LRRTM4: variants seen among roughly 807,000 people sequenced by gnomAD.
The protein encoded by LRRTM4 is leucine rich repeat transmembrane neuronal 4.
Under a neutral mutation model 47.6 loss-of-function variants are expected in LRRTM4, and 25 were observed. That is an observed-to-expected ratio of 0.53 (90% CI 0.38 to 0.73). The LOEUF is 0.73. Ranked by LOEUF, LRRTM4 falls within the 30% of genes least tolerant of loss-of-function variation. The probability of loss-of-function intolerance (pLI) is 0.00; values close to 1 mark genes in which losing one functional copy is unlikely to be tolerated. For synonymous variants in LRRTM4, 311 were observed against 269.5 expected (o/e 1.15, Z -1.51); for missense variants, 638 against 713.4 (o/e 0.89, Z 1.20).
chr2:77,360,993 C>T (rs1333779378), intron 3 of LRRTM4, among the ~76,000 whole-genome samples: 1 of 151,974 alleles, frequency 6.6e-6, no homozygotes, highest in Non-Finnish European at 1.5e-5. Flanking sequence ...ACCACTGTGC[C>T]TCTCTGTTTC....
At chr2:77,016,880 T>G (rs896598617) in intron 3 of LRRTM4, among the ~76,000 whole-genome samples, 2 of 152,034 alleles carry the variant, frequency 1.3e-5, no homozygotes, top group African/African-American at 4.8e-5. Flanking sequence ...TTATTGACTT[T>G]TTTTTTTTTA....
At chr2:76,780,893 A>G (rs1484514500) in intron 3 of LRRTM4, among the ~76,000 whole-genome samples, 1 of 150,194 alleles carries the variant, frequency 6.7e-6, no homozygotes, top group East Asian at 1.9e-4. Flanking sequence ...TGTGGTTTTT[A>G]TCTACTTTTG....
chr2:77,290,272 G>C (rs1676784795), intron 3 of LRRTM4, among the ~76,000 whole-genome samples: 1 of 151,936 alleles, frequency 6.6e-6, no homozygotes. Flanking sequence ...GAATTCAATG[G>C]TGTCTCATTG....
intron 3 of LRRTM4, among the ~76,000 whole-genome samples, chr2:76,845,952 G>T (rs1278148781): frequency 3.9e-5 from 6 of 152,128 alleles, no homozygotes; most frequent in East Asian, 1.9e-4. Flanking sequence ...GATTTGAACT[G>T]CATAGATCCA....
intron 3 of LRRTM4, among the ~76,000 whole-genome samples, chr2:76,844,549 A>C (rs1453287468): frequency 6.6e-6 from 1 of 152,150 alleles, no homozygotes; most frequent in African/African-American, 2.4e-5. Flanking sequence ...AAGTTAAATG[A>C]AACTATTTTT....
intron 3 of LRRTM4, among the ~76,000 whole-genome samples, chr2:77,013,092 ATTTTTCTT>A (rs1307252242): frequency 6.6e-6 from 1 of 152,056 alleles, no homozygotes; most frequent in Non-Finnish European, 1.5e-5. Context: ...CTTTATTCTC[ATTTTTCTT>A]TTTTTCCTTC....
chr2:77,340,389 A>G (rs941830278), intron 3 of LRRTM4, among the ~76,000 whole-genome samples: 8 of 152,010 alleles, frequency 5.3e-5, no homozygotes, highest in African/African-American at 1.7e-4. Flanking sequence ...TCTGTTCTAT[A>G]AGACTGCTAT....
intron 3 of LRRTM4, among the ~76,000 whole-genome samples, chr2:77,110,686 G>A (rs539021983): frequency 6.6e-6 from 1 of 152,082 alleles, no homozygotes; most frequent in African/African-American, 2.4e-5. Context: ...TATTGAAGTA[G>A]TATGCAATTA....
At chr2:77,081,534 A>C (rs1015526732) in intron 3 of LRRTM4, among the ~76,000 whole-genome samples, 5 of 152,128 alleles carry the variant, frequency 3.3e-5, no homozygotes, top group African/African-American at 1.2e-4. Context: ...AGAGGTAAAC[A>C]TATCTATCTG....
rs193052506 is a variant in LRRTM4, at chr2:77,315,079, G to A, written c.1551+203239C>T. The stretch of plus-strand genomic sequence containing the variant: ...ACATTATATTTTCAAATTACAACAG[G>A]TTTATTAGGAAGTAACCCCATCGTA... On this transcript the variant is annotated intron_variant, in intron 3 of 3. Transcript: ENST00000409884. 1.3e-3 allele frequency among the ~76,000 whole-genome samples: 195 copies of A among 152,184 alleles called. 1 individual carries two copies. Among genetic ancestry groups the A allele is most frequent in the African/African-American group, 4.5e-3 (188 of 41,524 alleles).
intron 3 of LRRTM4, among the ~76,000 whole-genome samples, chr2:77,091,409 G>A (rs1241487627): frequency 1.4e-5 from 2 of 147,850 alleles, no homozygotes; most frequent in Non-Finnish European, 2.9e-5. Flanking sequence ...GTTATCACTC[G>A]CCTGCTACAG....
chr2:76,915,914 T>C (rs935945791), intron 3 of LRRTM4, among the ~76,000 whole-genome samples: 1 of 152,184 alleles, frequency 6.6e-6, no homozygotes, highest in African/African-American at 2.4e-5. Context: ...AGGAAATATT[T>C]ATTGGTGAAC....
chr2:76,918,330 T>G (rs977991660), intron 3 of LRRTM4, among the ~76,000 whole-genome samples: 4 of 152,226 alleles, frequency 2.6e-5, no homozygotes, highest in African/African-American at 9.6e-5. Flanking sequence ...AAGTTTTTAC[T>G]TGAGGTGTAA....
At chr2:77,368,926 T>C (rs189346240) in intron 3 of LRRTM4, among the ~76,000 whole-genome samples, 28 of 151,900 alleles carry the variant, frequency 1.8e-4, no homozygotes, top group Non-Finnish European at 2.1e-4. Context: ...CATACTATTT[T>C]TGATAATGGC....
chr2:77,018,511 C>T (rs1032983347), intron 3 of LRRTM4, among the ~76,000 whole-genome samples: 3 of 152,098 alleles, frequency 2.0e-5, no homozygotes, highest in Non-Finnish European at 4.4e-5. Flanking sequence ...TGGCTATTGA[C>T]TCAGACTTCT....
intron 3 of LRRTM4, among the ~76,000 whole-genome samples, chr2:77,227,374 A>C (rs1674844012): frequency 6.6e-6 from 1 of 152,112 alleles, no homozygotes. Context: ...ACACAATTTA[A>C]TAAATGATTC....
At chr2:77,350,765 T>C (rs1247053388) in intron 3 of LRRTM4, among the ~76,000 whole-genome samples, 1 of 152,130 alleles carries the variant, frequency 6.6e-6, no homozygotes, top group Non-Finnish European at 1.5e-5. Context: ...TGGCAATTAC[T>C]GAAGAAAACA....
rs977791614 is a variant in LRRTM4 at position 76,921,779 on chromosome 2, A to G, written c.1552-172863T>C. 5.3e-5 allele frequency among the ~76,000 whole-genome samples: 8 copies of G among 152,142 alleles called. No individual in the cohort carries two copies. In the South Asian group the frequency reaches 1.0e-3, roughly 20 times the overall value. ...GTGGATGTTCTTACTTTCTGGAACT[A>G]TAAGATGTTCTAGGGTCATTTTGTG... On this transcript the variant is annotated intron_variant, in intron 3 of 3. Transcript: ENST00000409884.
At chr2:76,867,409 AT>A (rs981894563) in intron 3 of LRRTM4, among the ~76,000 whole-genome samples, 2 of 152,204 alleles carry the variant, frequency 1.3e-5, no homozygotes, top group Admixed American at 1.3e-4. Flanking sequence ...GGTATAAAAG[AT>A]TTAAAATAAA....
Sources: allele counts gnomAD v4.1 joint callset (sites outside exome capture counted in the v4.1 genomes callset), GRCh38; gene constraint gnomAD v4.1.1; transcripts MANE v1.5; gene names NCBI Gene and HGNC (gene_info 2026-07-23, HGNC 2026-07-21).